The following ZDHHC3 variants were observed in gnomAD, a reference collection of about 807,000 sequenced individuals.
The protein encoded by ZDHHC3 is zDHHC palmitoyltransferase 3.
Under a neutral mutation model 30.6 loss-of-function variants are expected in ZDHHC3, and 9 were observed. The ratio of observed to expected loss-of-function variants is 0.29; its 90% CI spans 0.18 to 0.51. The LOEUF (loss-of-function observed/expected upper bound fraction) is 0.51. ZDHHC3 is among the 20% of genes least tolerant of loss of function. ZDHHC3 has a pLI of 0.97. For synonymous variants in ZDHHC3, 136 were observed against 140.2 expected (o/e 0.97, Z 0.21); for missense variants, 246 against 384.2 (o/e 0.64, Z 3.01).
Position 44,917,991 on chromosome 3 carries a change from C to T in ZDHHC3, c.*8698G>A. On this transcript the variant is annotated 3_prime_UTR_variant, in exon 7 of 7. Transcript: ENST00000424952. ...CTGACAGCGATGTCACCTGCCGCAC[C>T]ATGTCTTTGTCACTGGGGATCTCTG... The T allele has an allele frequency of 2.3e-6, 3 of 1,305,468 alleles. No individual in the cohort carries two copies. Among genetic ancestry groups the T allele is most frequent in the Non-Finnish European group, 3.0e-6 (3 of 988,976 alleles). The allele number at this position is 1,305,468 out of a possible 1,614,324, so 80.9% of individuals were successfully genotyped here.
chr3:44,933,231 T>C, intron 4 of ZDHHC3, 32 bp from the exon 5 acceptor site: 1 of 1,605,368 alleles, frequency 6.2e-7, no homozygotes. Context: ...GACACCATTG[T>C]TGTGAGAATC....
At chr3:44,971,389 T>G (rs1224366131) in intron 1 of ZDHHC3, among the ~76,000 whole-genome samples, 10 of 152,274 alleles carry the variant, frequency 6.6e-5, no homozygotes, top group Non-Finnish European at 1.3e-4. Context: ...ACCTGGAGCC[T>G]TCTCACCTTC....
At chr3:44,932,027 CT>C (rs1207956571) in intron 5 of ZDHHC3, among the ~76,000 whole-genome samples, 1 of 152,214 alleles carries the variant, frequency 6.6e-6, no homozygotes, top group Non-Finnish European at 1.5e-5. Flanking sequence ...TGTGCTACCC[CT>C]ATCACCTGCC....
At chr3:44,957,638 G>A (rs996707213) in intron 2 of ZDHHC3, among the ~76,000 whole-genome samples, 1 of 152,210 alleles carries the variant, frequency 6.6e-6, no homozygotes, top group Non-Finnish European at 1.5e-5. Context: ...TGTGCAAGCT[G>A]CTCCCTCTGC....
chr3:44,965,593 C>T (rs939547166), intron 1 of ZDHHC3, among the ~76,000 whole-genome samples: 3 of 152,166 alleles, frequency 2.0e-5, no homozygotes, highest in Admixed American at 6.5e-5. Context: ...GGGCAAATCC[C>T]TACTAATCTT....
intron 2 of ZDHHC3, among the ~76,000 whole-genome samples, chr3:44,954,484 T>A (rs540519641): frequency 1.3e-5 from 2 of 152,214 alleles, no homozygotes; most frequent in African/African-American, 4.8e-5. Flanking sequence ...TGCAGTAGGC[T>A]GTACCATCTA....
intron 3 of ZDHHC3, among the ~76,000 whole-genome samples, chr3:44,938,836 C>T (rs1702198276): frequency 6.6e-6 from 1 of 152,202 alleles, no homozygotes; most frequent in Non-Finnish European, 1.5e-5. Context: ...CAGTCCTCCA[C>T]CACGGTGCTC....
chr3:44,922,101 A>G lies in ZDHHC3; in HGVS notation c.*4588T>C. On this transcript the variant is annotated 3_prime_UTR_variant, in exon 7 of 7. Coordinates refer to ENST00000424952, the MANE Select transcript of ZDHHC3 (RefSeq NM_001135179.2). Reference sequence around the variant, plus strand: ...GAAAAAGAAGGTTCAGGTTGGGAGTACGCTGGTCAGTGGCTTGTTTCTGCT... The same window carrying G: ...GAAAAAGAAGGTTCAGGTTGGGAGTGCGCTGGTCAGTGGCTTGTTTCTGCT... 1 of 985,464 alleles carries G rather than the reference A, an allele frequency of 1.0e-6. No homozygotes were observed. The highest frequency in any genetic ancestry group is 1.2e-6 in the Non-Finnish European group (1 of 829,940). The allele number at this position is 985,464 out of a possible 1,614,324, so 61.0% of individuals were successfully genotyped here. A position where few individuals can be genotyped will look rare whatever the true frequency, so the allele number is the denominator to read the frequency against.
intron 2 of ZDHHC3, among the ~76,000 whole-genome samples, chr3:44,949,320 C>T (rs190433498): frequency 3.9e-5 from 6 of 152,050 alleles, no homozygotes; most frequent in African/African-American, 1.4e-4. Flanking sequence ...TATACACATA[C>T]ATATAAATAA....
intron 2 of ZDHHC3, 37 bp from the exon 3 acceptor site, chr3:44,945,329 G>A: frequency 6.2e-7 from 1 of 1,613,708 alleles, no homozygotes; most frequent in Non-Finnish European, 8.5e-7. Flanking sequence ...GTTGGGCTGG[G>A]GGTTCTATCA....
chr3:44,945,471 G>A (rs1233710822), intron 2 of ZDHHC3, 179 bp from the exon 3 acceptor site: 1 of 903,356 alleles, frequency 1.1e-6, no homozygotes, highest in Non-Finnish European at 1.6e-6. Flanking sequence ...AATATTTATT[G>A]ACCAAAAATT....
At chr3:44,941,976 A>G (rs1702479617) in intron 3 of ZDHHC3, among the ~76,000 whole-genome samples, 1 of 152,202 alleles carries the variant, frequency 6.6e-6, no homozygotes. Flanking sequence ...TCCTATGAAC[A>G]GGAGATTTGA....
chr3:44,924,271 G>C lies in ZDHHC3; in HGVS notation c.*2418C>G. 1 of 985,474 alleles carries C rather than the reference G, an allele frequency of 1.0e-6. No individual in the cohort carries two copies. Among genetic ancestry groups the C allele is most frequent in the Non-Finnish European group, 1.2e-6 (1 of 829,932 alleles). The allele number at this position is 985,474 out of a possible 1,614,324, so 61.0% of individuals were successfully genotyped here. On this transcript the variant is annotated 3_prime_UTR_variant, in exon 7 of 7. Coordinates refer to ENST00000424952, the MANE Select transcript of ZDHHC3 (RefSeq NM_001135179.2). The stretch of plus-strand genomic sequence containing the variant: ...CCCTTCCTGTCCTGTGTGGAAGCCA[G>C]GCTGGGAACCAATCACTACCCTGCA...
In ZDHHC3 at chr3:44,924,828, C is replaced by T; in HGVS notation, c.*1861G>A. The T allele has an allele frequency of 1.0e-6, 1 of 985,486 alleles. No individual in the cohort carries two copies. Among genetic ancestry groups the T allele is most frequent in the South Asian group, 4.7e-5 (1 of 21,290 alleles). The allele number at this position is 985,486 out of a possible 1,614,324, so 61.0% of individuals were successfully genotyped here. ...CAAATGCTATCAACTTGATCTAAAA[C>T]AGCATTCTTTTCTTTTTAATCTTAG... On this transcript the variant is annotated 3_prime_UTR_variant, in exon 7 of 7. Transcript: ENST00000424952.
At chr3:44,969,838 T>C (rs1381592089) in intron 1 of ZDHHC3, 7 of 152,212 alleles carry the variant, frequency 4.6e-5, no homozygotes, top group African/African-American at 1.4e-4. Context: ...ATCCCTAAAA[T>C]CTGCTTTGGC....
At chr3:44,970,793 A>G (rs189827745) in intron 1 of ZDHHC3, among the ~76,000 whole-genome samples, 104 of 152,338 alleles carry the variant, frequency 6.8e-4, no homozygotes, top group Non-Finnish European at 1.2e-4. Flanking sequence ...AGCAAAATAT[A>G]TCAAGTATAA....
rs1055670179 is a variant in ZDHHC3, at chr3:44,923,899, A to C, written c.*2790T>G. ...TTCTACCCAAATGTGTTTTGTGTAC[A>C]TGATATTACCAAGCCCATGCAAATA... On this transcript the variant is annotated 3_prime_UTR_variant, in exon 7 of 7. Transcript: ENST00000424952. 6.1e-6 allele frequency: 6 copies of C among 985,316 alleles called. No individual in the cohort carries two copies. The African/African-American group carries it at 1.0e-4, about 17-fold the overall frequency. 61.0% of individuals were successfully genotyped at this position (985,316 alleles called of 1,614,324 possible). A position where few individuals can be genotyped will look rare whatever the true frequency, so the allele number is the denominator to read the frequency against.
intron 6 of ZDHHC3, 131 bp from the exon 7 acceptor site, chr3:44,926,978 T>C (rs1268495586): frequency 8.1e-7 from 1 of 1,234,434 alleles, no homozygotes; most frequent in East Asian, 2.8e-5. Flanking sequence ...CTACCTAATA[T>C]ATCTTTCTCA....
Position 44,922,945 on chromosome 3 carries a change from C to T in ZDHHC3, c.*3744G>A. ...CTTCCCCTCTACTGGCTGGCTCACC[C>T]TTTAAGCTGATGCACTGCAAGTCTT... is the stretch of plus-strand genomic sequence containing the variant. On this transcript the variant is annotated 3_prime_UTR_variant, in exon 7 of 7. Coordinates refer to ENST00000424952, the MANE Select transcript of ZDHHC3 (RefSeq NM_001135179.2). 1 of 985,328 alleles carries T rather than the reference C, an allele frequency of 1.0e-6. No individual in the cohort carries two copies. Among genetic ancestry groups the T allele is most frequent in the Non-Finnish European group, 1.2e-6 (1 of 829,920 alleles). The allele number at this position is 985,328 out of a possible 1,614,324, so 61.0% of individuals were successfully genotyped here.
Sources: gnomAD v4.1 joint callset for allele counts (sites outside exome capture counted in the v4.1 genomes callset) on GRCh38, gnomAD v4.1.1 for gene constraint, MANE v1.5 for transcripts, NCBI Gene and HGNC (gene_info 2026-07-23, HGNC 2026-07-21) for gene names.